CNBD1: variants seen among roughly 807,000 people sequenced by gnomAD.
The protein encoded by CNBD1 is cyclic nucleotide binding domain containing 1.
Under a neutral mutation model 54.4 loss-of-function variants are expected in CNBD1, and 71 were observed. The observed-to-expected ratio is 1.30, with a 90% confidence interval of 1.08 to 1.59. The LOEUF (loss-of-function observed/expected upper bound fraction) is 1.59, where lower values mean the gene tolerates loss of function less well. Ranked by LOEUF, CNBD1 falls within the 40% of genes most tolerant of loss-of-function variation. The pLI is 0.00. For synonymous variants in CNBD1, 182 were observed against 170.7 expected (o/e 1.07, Z -0.51); for missense variants, 659 against 518.0 (o/e 1.27, Z -2.64).
intron 4 of CNBD1, among the ~76,000 whole-genome samples, chr8:87,127,471 G>A (rs59745169): frequency 0.53 from 79,911 of 151,928 alleles, 22,729 homozygotes; most frequent in African/African-American, 0.76. Context: ...GTTACAGTAT[G>A]GAAATAAAAT....
intron 4 of CNBD1, among the ~76,000 whole-genome samples, chr8:87,065,379 A>C (rs1250418061): frequency 6.6e-6 from 1 of 151,968 alleles, no homozygotes; most frequent in Admixed American, 6.6e-5. Context: ...CAGTGATGTT[A>C]TCTTTCTCCA....
At chr8:87,053,335 C>T (rs752490686) in intron 4 of CNBD1, among the ~76,000 whole-genome samples, 4 of 152,180 alleles carry the variant, frequency 2.6e-5, no homozygotes, top group Non-Finnish European at 5.9e-5. Flanking sequence ...AATAAGGCCA[C>T]GCTCTTGTAC....
chr8:87,388,060 G>T (rs1164178555), intron 2 of CNBD1, among the ~76,000 whole-genome samples: 1 of 152,046 alleles, frequency 6.6e-6, no homozygotes, highest in Non-Finnish European at 1.5e-5. Flanking sequence ...AAACAAACGA[G>T]AACAAGGACA....
At chr8:87,384,668 G>GT (rs899607052), downstream of CNBD1, among the ~76,000 whole-genome samples, 9 of 152,182 alleles carry the variant, frequency 5.9e-5, no homozygotes, top group East Asian at 1.9e-4. Context: ...ATAAATGTAT[G>GT]TTTTTTTCCA....
chr8:87,300,082 T>A (rs532863604), intron 8 of CNBD1, among the ~76,000 whole-genome samples: 2 of 152,292 alleles, frequency 1.3e-5, no homozygotes, highest in African/African-American at 4.8e-5. Context: ...TGTTAACATG[T>A]GGAGAACATA....
intron 4 of CNBD1, among the ~76,000 whole-genome samples, chr8:86,963,645 A>G (rs77623994): frequency 0.02 from 3,057 of 152,228 alleles, 51 homozygotes; most frequent in Non-Finnish European, 0.03. Context: ...TACGAAGGTG[A>G]CAACTAAGAG....
chr8:87,403,185 T>C (rs1457813794), intron 2 of CNBD1, among the ~76,000 whole-genome samples: 1 of 152,056 alleles, frequency 6.6e-6, no homozygotes, highest in Non-Finnish European at 1.5e-5. Flanking sequence ...GTTTTGTCAA[T>C]GTGCCTTTCA....
intron 8 of CNBD1, among the ~76,000 whole-genome samples, chr8:87,330,442 A>G (rs554523024): frequency 6.6e-6 from 1 of 151,874 alleles, no homozygotes; most frequent in South Asian, 2.1e-4. Flanking sequence ...ATTCCCCTCT[A>G]AGCATGGATT....
chr8:87,390,589 CAAG>C (rs199864759), intron 2 of CNBD1, among the ~76,000 whole-genome samples: 2,474 of 152,188 alleles, frequency 0.016, 37 homozygotes, highest in Admixed American at 0.026. Context: ...AGTCAGGAAA[CAAG>C]AGGTGCTGGA....
At chr8:87,120,198 C>A (rs2130714685) in intron 4 of CNBD1, among the ~76,000 whole-genome samples, 1 of 152,166 alleles carries the variant, frequency 6.6e-6, no homozygotes, top group Middle Eastern at 3.4e-3. Flanking sequence ...GTGATTCCAT[C>A]TGGTTCTGGG....
At chr8:87,130,216 G>T (rs1812090675) in intron 4 of CNBD1, among the ~76,000 whole-genome samples, 1 of 152,056 alleles carries the variant, frequency 6.6e-6, no homozygotes, top group Admixed American at 6.6e-5. Context: ...TTTTATCTTA[G>T]CTACATTATT....
intron 4 of CNBD1, among the ~76,000 whole-genome samples, chr8:87,171,063 AT>A (rs35511832): frequency 6.6e-6 from 1 of 151,926 alleles, no homozygotes; most frequent in Non-Finnish European, 1.5e-5. Context: ...ATCCTCCTCT[AT>A]TTTTTGTAAT....
At chr8:87,226,301 C>G (rs1351646359) in intron 5 of CNBD1, among the ~76,000 whole-genome samples, 3 of 150,484 alleles carry the variant, frequency 2.0e-5, no homozygotes, top group African/African-American at 7.5e-5. Flanking sequence ...TGTGTTTGCT[C>G]GTGCTTTTCT....
intron 5 of CNBD1, among the ~76,000 whole-genome samples, chr8:87,215,410 C>T (rs1005041153): frequency 5.3e-5 from 8 of 151,980 alleles, no homozygotes; most frequent in East Asian, 1.9e-4. Context: ...CATGGTGAAA[C>T]CCTGTCCCTA....
intron 3 of CNBD1, among the ~76,000 whole-genome samples, chr8:86,921,036 T>A (rs576877867): frequency 6.6e-6 from 1 of 152,188 alleles, no homozygotes; most frequent in East Asian, 1.9e-4. Flanking sequence ...CTAGAGCAAA[T>A]GGATTCTGAT....
chr8:87,299,489 G>T (rs1048211731), intron 8 of CNBD1, among the ~76,000 whole-genome samples: 5 of 152,168 alleles, frequency 3.3e-5, no homozygotes, highest in Admixed American at 2.6e-4. Flanking sequence ...TGTTCACATA[G>T]ATCTTCCTTA....
At chr8:87,357,910 G>T (rs1454618875) in intron 10 of CNBD1, among the ~76,000 whole-genome samples, 4 of 152,108 alleles carry the variant, frequency 2.6e-5, no homozygotes, top group South Asian at 2.1e-4. Context: ...CTAATAAAGG[G>T]CTTGGCTTCA....
Position 87,032,334 on chromosome 8 carries a change from C to T in CNBD1, c.431+92580C>T, listed in dbSNP as rs143557381. ...AGCCTATTGTTGATCGGAAGCCTTA[C>T]TAATTATATAAACAGTCAACAAACA... On this transcript the variant is annotated intron_variant, in intron 4 of 10. Coordinates refer to ENST00000518476, the MANE Select transcript of CNBD1 (RefSeq NM_173538.3). Among the ~76,000 whole-genome samples, 5 of 152,200 alleles carry T rather than the reference C, an allele frequency of 3.3e-5. No individual in the cohort carries two copies. The East Asian group carries it at 9.6e-4, about 29-fold the overall frequency.
At chr8:87,328,019 G>T (rs1245491053) in intron 8 of CNBD1, among the ~76,000 whole-genome samples, 1 of 151,776 alleles carries the variant, frequency 6.6e-6, no homozygotes, top group Non-Finnish European at 1.5e-5. Flanking sequence ...TGCAGAAAAT[G>T]CAGGTTTGTT....
Sources: allele counts gnomAD v4.1 joint callset (sites outside exome capture counted in the v4.1 genomes callset), GRCh38; gene constraint gnomAD v4.1.1; transcripts MANE v1.5; gene names NCBI Gene and HGNC (gene_info 2026-07-23, HGNC 2026-07-21).